FAM193A: variants seen among roughly 807,000 people sequenced by gnomAD.
FAM193A encodes the protein family with sequence similarity 193 member A.
In FAM193A, 22 loss-of-function variants were observed where a neutral mutation model predicts 126.5. The observed-to-expected ratio is 0.17, with a 90% CI of 0.12 to 0.25. The LOEUF is 0.25. Ranked by LOEUF, FAM193A falls within the 10% of genes least tolerant of loss-of-function variation. FAM193A has a pLI of 1.00. For synonymous variants in FAM193A, 761 were observed against 646.8 expected (o/e 1.18, Z -2.68); for missense variants, 1,675 against 1,672.8 (o/e 1.00, Z -0.02).
At chr4:2,538,866 C>T (rs1404274805) in intron 1 of FAM193A, among the ~76,000 whole-genome samples, 1 of 151,950 alleles carries the variant, frequency 6.6e-6, no homozygotes, top group African/African-American at 2.4e-5. Flanking sequence ...CTTTGCAATA[C>T]TTAGGTAAAA....
chr4:2,699,337 G>C (rs1349419139), intron 18 of FAM193A, among the ~76,000 whole-genome samples: 1 of 152,038 alleles, frequency 6.6e-6, no homozygotes, highest in Admixed American at 6.6e-5. Context: ...CTGTGAGGGG[G>C]TAGCTGACTC....
intron 19 of FAM193A, among the ~76,000 whole-genome samples, chr4:2,709,871 C>G (rs1051065281): frequency 1.4e-4 from 21 of 152,300 alleles, no homozygotes; most frequent in African/African-American, 5.1e-4. Flanking sequence ...TGCTAGCAGT[C>G]TTCTCTCCTC....
intron 19 of FAM193A, among the ~76,000 whole-genome samples, chr4:2,701,971 CTTG>C (rs1717785796): frequency 6.6e-6 from 1 of 152,084 alleles, no homozygotes; most frequent in Non-Finnish European, 1.5e-5. Flanking sequence ...GGGATTTCAC[CTTG>C]TTGGTCAGGC....
Position 2,705,737 on chromosome 4 carries a change from G to A in FAM193A, c.4372+5193G>A, listed in dbSNP as rs561541788. Among the ~76,000 whole-genome samples, 9 of 148,168 alleles carry A rather than the reference G, an allele frequency of 6.1e-5. No homozygotes were observed. In the East Asian group the frequency reaches 8.0e-4, roughly 13 times the overall value. ...CCTGAGTAGCTGGGACTACAGGCACGTGCCACCATGCTGGCTAATTTTTTT... is the reference window on the plus strand; with the variant it reads ...CCTGAGTAGCTGGGACTACAGGCACATGCCACCATGCTGGCTAATTTTTTT... On this transcript the variant is annotated intron_variant, in intron 19 of 20. Coordinates refer to ENST00000637812, the MANE Select transcript of FAM193A (RefSeq NM_001366318.2).
chr4:2,692,054 A>G (rs984018452), intron 15 of FAM193A, among the ~76,000 whole-genome samples: 3 of 152,218 alleles, frequency 2.0e-5, no homozygotes, highest in African/African-American at 4.8e-5. Context: ...AGCAGCACCC[A>G]TAGGGTACTG....
At chr4:2,542,237 C>T (rs1737280649) in intron 1 of FAM193A, among the ~76,000 whole-genome samples, 1 of 152,008 alleles carries the variant, frequency 6.6e-6, no homozygotes, top group Admixed American at 6.6e-5. Context: ...GAACTCCTGA[C>T]CTTGTGATCC....
In FAM193A at chr4:2,669,429, T is replaced by C. The variant is rs868727622; in HGVS notation, c.2080-2692T>C. 2.6e-5 allele frequency among the ~76,000 whole-genome samples: 4 copies of C among 152,004 alleles called. No individual in the cohort carries two copies. The East Asian group carries it at 5.9e-4, about 22-fold the overall frequency. ...TTCGAGACCAGCCTAGCCAACGTGG[T>C]GAAACCCCATCTCTTCTAAAAATAC... is the stretch of plus-strand genomic sequence containing the variant. On this transcript the variant is annotated intron_variant, in intron 12 of 20. Coordinates refer to ENST00000637812, the MANE Select transcript of FAM193A (RefSeq NM_001366318.2).
At position 2,699,784 on chromosome 4, in the gene FAM193A, G is replaced by A; in HGVS notation, c.3612G>A (p.Glu1204=). 5 of 1,613,908 alleles carry A rather than the reference G, an allele frequency of 3.1e-6. No individual in the cohort carries two copies. The highest frequency in any genetic ancestry group is 3.4e-6 in the Non-Finnish European group (4 of 1,179,926). Residue 1204 remains glutamate, a synonymous_variant, in exon 19 of 21, where the codon GAG becomes GAA. Transcript: ENST00000637812. ...AGGAGGAGGAGGATGAGGAAGAAGAGGAGGATCGTTTCAAGGAGGAATTTC... is the reference window on the plus strand; with the variant it reads ...AGGAGGAGGAGGATGAGGAAGAAGAAGAGGATCGTTTCAAGGAGGAATTTC... ...RREEEEDEEE[E]EDRFKEEFQR...
intron 20 of FAM193A, among the ~76,000 whole-genome samples, chr4:2,730,934 C>A (rs984533710): frequency 6.6e-6 from 1 of 151,906 alleles, no homozygotes; most frequent in Non-Finnish European, 1.5e-5. Flanking sequence ...CAGTGGCTCA[C>A]GCCTGTAATC....
chr4:2,714,562 G>A (rs1032041152), intron 19 of FAM193A, among the ~76,000 whole-genome samples: 1 of 152,122 alleles, frequency 6.6e-6, no homozygotes, highest in South Asian at 2.1e-4. Context: ...TGTGCCCTCA[G>A]GGATACAGTT....
At chr4:2,691,762 A>G (rs1264559524) in intron 15 of FAM193A, among the ~76,000 whole-genome samples, 4 of 143,268 alleles carry the variant, frequency 2.8e-5, no homozygotes. Context: ...CAACATAGTG[A>G]GACCCCGTCT....
chr4:2,704,421 C>T (rs925150753), intron 19 of FAM193A, among the ~76,000 whole-genome samples: 81 of 151,736 alleles, frequency 5.3e-4, no homozygotes, highest in African/African-American at 1.9e-3. Flanking sequence ...AAAAATTAGT[C>T]GGGTGTGGTG....
intron 12 of FAM193A, among the ~76,000 whole-genome samples, chr4:2,670,983 C>G (rs148435044): frequency 6.6e-6 from 1 of 152,236 alleles, no homozygotes; most frequent in East Asian, 1.9e-4. Flanking sequence ...TTCTCTTCTC[C>G]TTTTTAGTTT....
chr4:2,652,328 G>A (rs1745750599), intron 7 of FAM193A, among the ~76,000 whole-genome samples: 1 of 152,168 alleles, frequency 6.6e-6, no homozygotes, highest in Non-Finnish European at 1.5e-5. Context: ...TGCATTTGGT[G>A]TTTTTCTTCT....
intron 19 of FAM193A, among the ~76,000 whole-genome samples, chr4:2,704,941 T>G (rs1432210781): frequency 6.6e-6 from 1 of 152,250 alleles, no homozygotes; most frequent in African/African-American, 2.4e-5. Context: ...AGACGGAATC[T>G]TGCTCTGTCG....
chr4:2,664,725 G>T (rs971523556), intron 12 of FAM193A, among the ~76,000 whole-genome samples: 1 of 151,628 alleles, frequency 6.6e-6, no homozygotes, highest in Admixed American at 6.6e-5. Context: ...CACCACGCCC[G>T]GCTAATTTTT....
intron 2 of FAM193A, among the ~76,000 whole-genome samples, chr4:2,600,523 A>G (rs1025880239): frequency 4.6e-5 from 7 of 152,128 alleles, no homozygotes; most frequent in African/African-American, 1.4e-4. Flanking sequence ...ACTCCTTGGC[A>G]GGAACCCTTC....
At chr4:2,615,335 A>G (rs1019786689) in intron 2 of FAM193A, 2 of 152,108 alleles carry the variant, frequency 1.3e-5, no homozygotes, top group Non-Finnish European at 2.9e-5. Context: ...GTTTAATTCT[A>G]TACATTTCTT....
chr4:2,731,627 C>T, intron 20 of FAM193A, 148 bp from the exon 21 acceptor site: 1 of 642,610 alleles, frequency 1.6e-6, no homozygotes, highest in Non-Finnish European at 2.8e-6. Flanking sequence ...TGGAGGGGAC[C>T]CTTGACACTG....
Sources: gnomAD v4.1 joint callset for allele counts (sites outside exome capture counted in the v4.1 genomes callset) on GRCh38, gnomAD v4.1.1 for gene constraint, MANE v1.5 for transcripts, NCBI Gene and HGNC (gene_info 2026-07-23, HGNC 2026-07-21) for gene names.